CNTLN: variants seen among roughly 807,000 people sequenced by gnomAD.
CNTLN encodes centlein, centrosomal protein.
A neutral mutation model predicts 180.0 loss-of-function variants in CNTLN; 212 were observed. The ratio of observed to expected loss-of-function variants is 1.18; its 90% CI spans 1.05 to 1.32. The LOEUF (loss-of-function observed/expected upper bound fraction) is 1.32, where lower values mean the gene tolerates loss of function less well. Ranked by LOEUF, CNTLN falls within the 40% of genes most tolerant of loss-of-function variation. The pLI, the probability that CNTLN is intolerant of heterozygous loss-of-function variation, is 0.00. For synonymous variants in CNTLN, 722 were observed against 563.1 expected, an observed-to-expected ratio of 1.28 and a Z score of -3.99; for missense variants, 2,095 against 1,610.9, an observed-to-expected ratio of 1.30 and a Z score of -5.14.
At chr9:17,147,632 T>G (rs1447106526) in intron 2 of CNTLN, among the ~76,000 whole-genome samples, 1 of 152,066 alleles carries the variant, frequency 6.6e-6, no homozygotes, top group East Asian at 1.9e-4. Context: ...CTGCTGTTGT[T>G]TCCCATGCTG....
chr9:17,389,108 G>T (rs373724942), intron 14 of CNTLN, among the ~76,000 whole-genome samples: 4 of 152,044 alleles, frequency 2.6e-5, no homozygotes, highest in East Asian at 1.9e-4. Flanking sequence ...TTGCATCTCT[G>T]AATTGACTTG....
chr9:17,314,885 C>G (rs1426965297), intron 8 of CNTLN, among the ~76,000 whole-genome samples: 1 of 152,154 alleles, frequency 6.6e-6, no homozygotes, highest in African/African-American at 2.4e-5. Flanking sequence ...CAATCTTTGA[C>G]TTTTTAAAGA....
intron 7 of CNTLN, among the ~76,000 whole-genome samples, chr9:17,303,567 A>T (rs1174656921): frequency 6.6e-6 from 1 of 151,932 alleles, no homozygotes; most frequent in East Asian, 1.9e-4. Flanking sequence ...TTTTCTCCTC[A>T]AAAATGTAGT....
At chr9:17,517,921 G>A in the CNTLN span, among the ~76,000 whole-genome samples, 1 of 150,480 alleles carries the variant, frequency 6.6e-6, no homozygotes. Flanking sequence ...TTCCGACTCT[G>A]TGCTTCTCAA....
intron 6 of CNTLN, among the ~76,000 whole-genome samples, chr9:17,292,000 A>T (rs753500803): frequency 2.0e-5 from 3 of 152,156 alleles, no homozygotes; most frequent in Non-Finnish European, 4.4e-5. Context: ...CCTGGTGGTG[A>T]CTAATTACCT....
intron 2 of CNTLN, among the ~76,000 whole-genome samples, chr9:17,151,356 A>G (rs1436995156): frequency 1.3e-5 from 2 of 152,176 alleles, no homozygotes; most frequent in African/African-American, 2.4e-5. Flanking sequence ...TTTGGCATGA[A>G]TAGGTGTTGA....
intron 15 of CNTLN, among the ~76,000 whole-genome samples, chr9:17,400,304 AT>A (rs1469440125): frequency 1.3e-5 from 2 of 152,018 alleles, no homozygotes; most frequent in African/African-American, 4.8e-5. Context: ...TGCCCGGCTA[AT>A]TTTTTGTATC....
At chr9:17,488,357 G>A (rs1832990336) in intron 25 of CNTLN, among the ~76,000 whole-genome samples, 1 of 152,138 alleles carries the variant, frequency 6.6e-6, no homozygotes, top group Non-Finnish European at 1.5e-5. Flanking sequence ...TAATCATGTG[G>A]TACTCCCAGA....
At chr9:17,431,617 A>G (rs902794864) in intron 18 of CNTLN, among the ~76,000 whole-genome samples, 1 of 152,160 alleles carries the variant, frequency 6.6e-6, no homozygotes, top group South Asian at 2.1e-4. Flanking sequence ...ATTGGCCCAA[A>G]CCAGTGCCCT....
At chr9:17,364,729 A>G (rs1485475242) in intron 12 of CNTLN, among the ~76,000 whole-genome samples, 2 of 152,090 alleles carry the variant, frequency 1.3e-5, no homozygotes, top group African/African-American at 4.8e-5. Flanking sequence ...CTTTTCTCCC[A>G]TACATTTTCT....
At chr9:17,147,564 A>G (rs1818540819) in intron 2 of CNTLN, among the ~76,000 whole-genome samples, 1 of 152,056 alleles carries the variant, frequency 6.6e-6, no homozygotes, top group South Asian at 2.1e-4. Flanking sequence ...ATTTGTCTCT[A>G]TGAGTCTATG....
intron 12 of CNTLN, among the ~76,000 whole-genome samples, chr9:17,351,876 C>G (rs966883597): frequency 6.6e-6 from 1 of 152,130 alleles, no homozygotes; most frequent in Admixed American, 6.5e-5. Context: ...ACTTGAATAT[C>G]AGCTCCCCCC....
rs1034721053 is a variant in CNTLN, at chr9:17,394,534, G to A, written c.2080G>A (p.Val694Ile). 2.6e-6 allele frequency: 4 copies of A among 1,541,196 alleles called. No individual in the cohort carries two copies. In the East Asian group the frequency reaches 9.0e-5, roughly 35 times the overall value. Residue 694 changes from valine (V) to isoleucine (I), a missense_variant and splice_region_variant, in exon 15 of 26, where the codon GTC (valine) becomes ATC (isoleucine). Val to Ile is a conservative substitution (Grantham distance 29). Coordinates refer to ENST00000380647, the MANE Select transcript of CNTLN (RefSeq NM_017738.4). ...KEMLEQTLQK[V>I]TELENRLKSF... ...TAAAAGAATAAACTCTTTCCTTTAG[G>A]TCACTGAGTTGGAAAATCGGCTGAA... is the stretch of plus-strand genomic sequence containing the variant.
intron 5 of CNTLN, among the ~76,000 whole-genome samples, chr9:17,237,897 C>G (rs533033337): frequency 6.6e-6 from 1 of 152,118 alleles, no homozygotes; most frequent in Non-Finnish European, 1.5e-5. Flanking sequence ...ATTGAGAGAA[C>G]TGAATTCTGG....
intron 2 of CNTLN, among the ~76,000 whole-genome samples, chr9:17,200,956 T>C (rs1822481073): frequency 1.3e-5 from 2 of 152,224 alleles, no homozygotes; most frequent in African/African-American, 2.4e-5. Flanking sequence ...CAGTAAGATA[T>C]TGGCTATGGA....
intron 5 of CNTLN, among the ~76,000 whole-genome samples, chr9:17,247,306 A>C (rs949338261): frequency 6.6e-6 from 1 of 152,054 alleles, no homozygotes; most frequent in Non-Finnish European, 1.5e-5. Flanking sequence ...TCAGATTCCA[A>C]CTGCTGGGTT....
chr9:17,508,708 C>T (rs564983077), downstream of CNTLN, among the ~76,000 whole-genome samples: 1 of 152,260 alleles, frequency 6.6e-6, no homozygotes, highest in Admixed American at 6.5e-5. Context: ...AGCATAATGT[C>T]CTTGAAATCC....
chr9:17,193,140 T>C (rs2104915), intron 2 of CNTLN, among the ~76,000 whole-genome samples: 40,898 of 151,972 alleles, frequency 0.27, 6,741 homozygotes, highest in East Asian at 0.44. Flanking sequence ...GTGGGAATTA[T>C]GGGAGTACAA....
At chr9:17,216,494 C>A (rs111807150) in intron 2 of CNTLN, among the ~76,000 whole-genome samples, 1 of 151,860 alleles carries the variant, frequency 6.6e-6, no homozygotes, top group Admixed American at 6.6e-5. Flanking sequence ...TTTTATTGGC[C>A]GGTTTATTAA....
Sources: allele counts gnomAD v4.1 joint callset (sites outside exome capture counted in the v4.1 genomes callset), GRCh38; gene constraint gnomAD v4.1.1; transcripts MANE v1.5; gene names NCBI Gene and HGNC (gene_info 2026-07-23, HGNC 2026-07-21).